Variants in MBNL2 observed in about 807,000 individuals in gnomAD.
MBNL2 encodes the protein muscleblind like splicing regulator 2, also known as muscleblind-like protein 2.
MBNL2 carries 17 observed loss-of-function variants against 41.9 expected under a neutral mutation model. That is an observed-to-expected ratio of 0.41 (90% CI 0.28 to 0.61). The LOEUF (loss-of-function observed/expected upper bound fraction) is 0.61, where lower values mean the gene tolerates loss of function less well. Ranked by LOEUF, MBNL2 falls within the 20% of genes least tolerant of loss-of-function variation. The pLI is 0.35. For missense variants in MBNL2, 336 were observed against 505.6 expected, an observed-to-expected ratio of 0.66 and a Z score of 3.22; for synonymous variants, 195 against 182.9, an observed-to-expected ratio of 1.07 and a Z score of -0.53.
intron 2 of MBNL2, among the ~76,000 whole-genome samples, chr13:97,314,161 A>T (rs958817208): frequency 6.6e-6 from 1 of 152,074 alleles, no homozygotes; most frequent in Admixed American, 6.6e-5. Flanking sequence ...TGCTCTAGCC[A>T]CACTGACCTG....
chr13:97,194,237 C>G, the MBNL2 span, among the ~76,000 whole-genome samples: 1 of 152,210 alleles, frequency 6.6e-6, no homozygotes, highest in Admixed American at 6.5e-5. Context: ...CCATTGCATT[C>G]CTTTTAGAAT....
intron 1 of MBNL2, among the ~76,000 whole-genome samples, chr13:97,228,377 G>C (rs917795047): frequency 6.6e-6 from 1 of 152,038 alleles, no homozygotes; most frequent in African/African-American, 2.4e-5. Context: ...AGAAAAAAAA[G>C]CTCAAGGTGG....
chr13:97,200,124 C>A, the MBNL2 span, among the ~76,000 whole-genome samples: 1 of 152,232 alleles, frequency 6.6e-6, no homozygotes, highest in Non-Finnish European at 1.5e-5. Flanking sequence ...TCTCTAGCCA[C>A]CTCCAGCCTC....
At chr13:97,300,792 C>A (rs4441122) in intron 2 of MBNL2, among the ~76,000 whole-genome samples, 106,165 of 152,156 alleles carry the variant, frequency 0.7, 37,214 homozygotes, top group African/African-American at 0.77. Flanking sequence ...AGAAGTCAAC[C>A]AAATTATAAT....
Position 97,222,345 on chromosome 13 carries a change from C to T in MBNL2, c.-791C>T. The T allele has an allele frequency of 1.8e-5, 7 of 398,496 alleles. No individual in the cohort carries two copies. The highest frequency in any genetic ancestry group is 8.8e-6 in the Non-Finnish European group (2 of 225,998). The allele number at this position is 398,496 out of a possible 1,614,324, so 24.7% of individuals were successfully genotyped here. ...AGCAACAGAGTTTAGACTGTCTTTGCTTCATCATCTGAAGGTAAAATTTTC... is the reference window on the plus strand; with the variant it reads ...AGCAACAGAGTTTAGACTGTCTTTGTTTCATCATCTGAAGGTAAAATTTTC... On this transcript the variant is annotated 5_prime_UTR_variant, in exon 1 of 9. Transcript: ENST00000679496.
intron 1 of MBNL2, among the ~76,000 whole-genome samples, chr13:97,224,628 CAAAA>C (rs538498133): frequency 2.8e-4 from 30 of 107,422 alleles, no homozygotes; most frequent in East Asian, 5.9e-4. Flanking sequence ...GACCTTTTAC[CAAAA>C]AAAAAAAAAA....
intron 2 of MBNL2, among the ~76,000 whole-genome samples, chr13:97,314,545 C>G (rs750186809): frequency 4.6e-5 from 7 of 152,140 alleles, no homozygotes; most frequent in Non-Finnish European, 1.0e-4. Flanking sequence ...ACACAGAGTA[C>G]CATACATTAA....
chr13:97,328,001 T>C (rs934864584), intron 2 of MBNL2, among the ~76,000 whole-genome samples: 3 of 152,202 alleles, frequency 2.0e-5, no homozygotes, highest in African/African-American at 7.2e-5. Context: ...ACACTTTATA[T>C]GCATTAACTC....
chr13:97,311,345 C>G (rs1339070986), intron 2 of MBNL2, among the ~76,000 whole-genome samples: 1 of 152,178 alleles, frequency 6.6e-6, no homozygotes, highest in East Asian at 1.9e-4. Flanking sequence ...CACCAAGGTT[C>G]TAACTATATA....
At chr13:97,238,652 C>T (rs1173731040) in intron 1 of MBNL2, among the ~76,000 whole-genome samples, 2 of 151,968 alleles carry the variant, frequency 1.3e-5, no homozygotes, top group Non-Finnish European at 2.9e-5. Context: ...CTGCAAGGCA[C>T]CAGGGAAGTG....
At chr13:97,319,585 A>G (rs529897338) in intron 2 of MBNL2, among the ~76,000 whole-genome samples, 2 of 152,192 alleles carry the variant, frequency 1.3e-5, no homozygotes, top group African/African-American at 2.4e-5. Context: ...TCTAGCTTGT[A>G]AAAGCAACTC....
the MBNL2 span, among the ~76,000 whole-genome samples, chr13:97,212,783 T>C: frequency 6.6e-6 from 1 of 152,204 alleles, no homozygotes; most frequent in Non-Finnish European, 1.5e-5. Context: ...GTCAACACTA[T>C]GTGAGCACCC....
At chr13:97,330,367 C>T (rs554121006) in intron 2 of MBNL2, among the ~76,000 whole-genome samples, 1 of 152,154 alleles carries the variant, frequency 6.6e-6, no homozygotes, top group Non-Finnish European at 1.5e-5. Context: ...TGCAATGGCG[C>T]TCTCCATCCC....
intron 1 of MBNL2, among the ~76,000 whole-genome samples, chr13:97,258,241 G>C (rs1273275437): frequency 2.6e-5 from 4 of 151,884 alleles, no homozygotes; most frequent in Non-Finnish European, 5.9e-5. Flanking sequence ...TGAACTGGAG[G>C]CTTTAAACAC....
chr13:97,261,724 T>C (rs1039613269), intron 1 of MBNL2, among the ~76,000 whole-genome samples: 1 of 152,178 alleles, frequency 6.6e-6, no homozygotes, highest in Non-Finnish European at 1.5e-5. Flanking sequence ...TTGCAGCAGG[T>C]AAAACAGCTC....
At chr13:97,246,581 A>G (rs1474157510) in intron 1 of MBNL2, among the ~76,000 whole-genome samples, 2 of 152,200 alleles carry the variant, frequency 1.3e-5, no homozygotes, top group South Asian at 4.1e-4. Flanking sequence ...TTAGTTAACT[A>G]CTGCGAATAA....
At chr13:97,197,409 A>G in the MBNL2 span, among the ~76,000 whole-genome samples, 1 of 152,180 alleles carries the variant, frequency 6.6e-6, no homozygotes, top group Non-Finnish European at 1.5e-5. Context: ...TTGAGTTTCT[A>G]TGTATATTCC....
rs967656414 is a variant in MBNL2 at position 97,240,319 on chromosome 13, C to T, written c.-605+17788C>T. 3.7e-4 allele frequency among the ~76,000 whole-genome samples: 57 copies of T among 152,200 alleles called. 3 individuals carry two copies. Among genetic ancestry groups the T allele is most frequent in the Non-Finnish European group, 1.0e-4 (7 of 68,028 alleles). ...CACAACTTCAGGCAGATTTTGACAT[C>T]GATTTGAATCTCAGTTTTCTTATCT... On this transcript the variant is annotated intron_variant, in intron 1 of 8. Transcript: ENST00000679496.
rs192896481 is a variant in MBNL2, at chr13:97,296,977, A to G, written c.174+20568A>G. On this transcript the variant is annotated intron_variant, in intron 2 of 8. Coordinates refer to ENST00000679496, the MANE Select transcript of MBNL2 (RefSeq NM_001382683.1). ...TTCATTTTCTCAGATAGGAAAGGGC[A>G]TCCCAGTCAAGGCTCTTGTCTGTGG... Among the ~76,000 whole-genome samples the G allele has an allele frequency of 3.4e-3, 522 of 152,318 alleles. 12 individuals carry two copies. Among genetic ancestry groups the G allele is most frequent in the Non-Finnish European group, 2.2e-3 (147 of 68,024 alleles).
Sources: gnomAD v4.1 joint callset for allele counts (sites outside exome capture counted in the v4.1 genomes callset) on GRCh38, gnomAD v4.1.1 for gene constraint, MANE v1.5 for transcripts, NCBI Gene and HGNC (gene_info 2026-07-23, HGNC 2026-07-21) for gene names.